SPAG16: variants seen among roughly 807,000 people sequenced by gnomAD.
SPAG16 encodes sperm associated antigen 16.
Under a neutral mutation model 80.4 loss-of-function variants are expected in SPAG16, and 86 were observed. The observed-to-expected ratio is 1.07, with a 90% CI of 0.90 to 1.28. SPAG16 has a LOEUF of 1.28. SPAG16 is among the 50% of genes most tolerant of loss of function. The pLI is 0.00. For missense variants in SPAG16, 870 were observed against 765.3 expected, an observed-to-expected ratio of 1.14 and a Z score of -1.61; for synonymous variants, 294 against 265.9, an observed-to-expected ratio of 1.11 and a Z score of -1.03.
At chr2:213,980,712 G>GTGTGTGTATATA (rs1469351640) in intron 12 of SPAG16, among the ~76,000 whole-genome samples, 4 of 114,008 alleles carry the variant, frequency 3.5e-5, no homozygotes, top group African/African-American at 1.5e-4. Flanking sequence ...GTGTGTGTGT[G>GTGTGTGTATATA]TATATATATA....
At chr2:213,997,549 C>T (rs1388422101) in intron 12 of SPAG16, among the ~76,000 whole-genome samples, 1 of 152,062 alleles carries the variant, frequency 6.6e-6, no homozygotes, top group African/African-American at 2.4e-5. Flanking sequence ...CTGAAGGTCC[C>T]CTGTTAGTCC....
At chr2:213,991,425 T>TA (rs376688985) in intron 12 of SPAG16, among the ~76,000 whole-genome samples, 240 of 152,316 alleles carry the variant, frequency 1.6e-3, no homozygotes, top group African/African-American at 5.7e-3. Context: ...GGGTTGGTTC[T>TA]AAGTCTTTGC....
At chr2:214,382,853 G>A (rs115447005) in intron 15 of SPAG16, among the ~76,000 whole-genome samples, 2,536 of 152,226 alleles carry the variant, frequency 0.017, 39 homozygotes, top group South Asian at 0.026. Flanking sequence ...CATGAGATCC[G>A]CTTGTTTGGG....
At chr2:213,307,160 T>A (rs72935187) in intron 3 of SPAG16, among the ~76,000 whole-genome samples, 33,048 of 152,178 alleles carry the variant, frequency 0.22, 4,424 homozygotes, top group Non-Finnish European at 0.31. Context: ...ATAGCAGCTA[T>A]CAGTAATAAA....
chr2:214,295,760 C>T (rs1694087027), intron 15 of SPAG16, among the ~76,000 whole-genome samples: 1 of 152,060 alleles, frequency 6.6e-6, no homozygotes. Flanking sequence ...CACCGAATTC[C>T]AGCCTGGGCC....
chr2:214,014,472 C>T (rs2047486917), intron 13 of SPAG16, among the ~76,000 whole-genome samples: 1 of 152,066 alleles, frequency 6.6e-6, no homozygotes, highest in South Asian at 2.1e-4. Context: ...TATCTAAATA[C>T]AGGGGGAAAG....
chr2:213,969,120 CTT>C (rs774508409), intron 12 of SPAG16, among the ~76,000 whole-genome samples: 21 of 152,156 alleles, frequency 1.4e-4, no homozygotes, highest in Non-Finnish European at 2.6e-4. Flanking sequence ...GTGAAATTAA[CTT>C]TGGCTAAAGT....
At chr2:214,148,820 A>G (rs2055799584) in intron 14 of SPAG16, among the ~76,000 whole-genome samples, 1 of 151,960 alleles carries the variant, frequency 6.6e-6, no homozygotes, top group South Asian at 2.1e-4. Flanking sequence ...GTTTTGTTAC[A>G]TCTTCTAATG....
intron 11 of SPAG16, among the ~76,000 whole-genome samples, chr2:213,917,162 G>A (rs207462852): frequency 6.6e-6 from 1 of 152,138 alleles, no homozygotes; most frequent in African/African-American, 2.4e-5. Context: ...CCAGTACCAT[G>A]CTGTTTTGGT....
At chr2:213,914,020 C>T (rs897239387) in intron 11 of SPAG16, among the ~76,000 whole-genome samples, 1 of 152,076 alleles carries the variant, frequency 6.6e-6, no homozygotes, top group African/African-American at 2.4e-5. Flanking sequence ...AAACATACCT[C>T]CACAGAGATA....
At chr2:214,008,260 G>GAGATATAA (rs1337123420) in intron 12 of SPAG16, among the ~76,000 whole-genome samples, 2 of 151,904 alleles carry the variant, frequency 1.3e-5, no homozygotes, top group African/African-American at 2.4e-5. Flanking sequence ...CTCTATCTGT[G>GAGATATAA]CACCCATTAT....
At chr2:213,669,794 C>T (rs2063748571) in intron 10 of SPAG16, among the ~76,000 whole-genome samples, 2 of 152,122 alleles carry the variant, frequency 1.3e-5, no homozygotes, top group Admixed American at 1.3e-4. Flanking sequence ...CCTTTGCTTC[C>T]ATTTTCTCAC....
At chr2:214,376,368 T>A (rs1212892625) in intron 15 of SPAG16, among the ~76,000 whole-genome samples, 5 of 152,174 alleles carry the variant, frequency 3.3e-5, no homozygotes, top group Admixed American at 1.3e-4. Flanking sequence ...GTTAAATAAA[T>A]GGATTATGAA....
intron 10 of SPAG16, among the ~76,000 whole-genome samples, chr2:213,861,450 A>G (rs2075455367): frequency 6.6e-6 from 1 of 152,206 alleles, no homozygotes; most frequent in Non-Finnish European, 1.5e-5. Context: ...TATAGAATAG[A>G]CTAAGGGAAA....
At chr2:213,547,983 A>G (rs529263160) in intron 10 of SPAG16, among the ~76,000 whole-genome samples, 55 of 152,312 alleles carry the variant, frequency 3.6e-4, no homozygotes, top group African/African-American at 1.2e-3. Flanking sequence ...CAATTGGTAC[A>G]TATCAGCCTT....
At chr2:213,983,405 G>T (rs978355963) in intron 12 of SPAG16, among the ~76,000 whole-genome samples, 1 of 151,832 alleles carries the variant, frequency 6.6e-6, no homozygotes, top group Non-Finnish European at 1.5e-5. Flanking sequence ...CCAAACTGTG[G>T]TATTGTCATC....
chr2:214,375,190 C>T (rs1700055669), intron 15 of SPAG16, among the ~76,000 whole-genome samples: 1 of 152,248 alleles, frequency 6.6e-6, no homozygotes, highest in African/African-American at 2.4e-5. Flanking sequence ...CCTTTCCAGA[C>T]CTCAACCAAT....
intron 9 of SPAG16, among the ~76,000 whole-genome samples, chr2:213,485,119 C>T (rs1474305224): frequency 1.3e-5 from 2 of 151,502 alleles, no homozygotes; most frequent in East Asian, 3.8e-4. Context: ...CTCAGCCCCC[C>T]AAGTAGCTGG....
chr2:214,154,509 C>CCA lies in SPAG16; in HGVS notation c.1720+5244_1720+5245dup, dbSNP rs1553516503. 1.5e-4 allele frequency among the ~76,000 whole-genome samples: 19 copies of CCA among 126,728 alleles called. No individual in the cohort carries two copies. The East Asian group carries it at 5.1e-3, about 34-fold the overall frequency. 83.1% of individuals were successfully genotyped at this position (126,728 alleles called of 152,430 possible). A position where few individuals can be genotyped will look rare whatever the true frequency, so the allele number is the denominator to read the frequency against. On this transcript the variant is annotated intron_variant, in intron 15 of 15. Coordinates refer to ENST00000331683, the MANE Select transcript of SPAG16 (RefSeq NM_024532.5). ...GCAAAAAGTATCAGACCCCCCCCCC[C>CCA]CATTTTTTCATAACCTAACAAGATA...
Sources: gnomAD v4.1 joint callset for allele counts (sites outside exome capture counted in the v4.1 genomes callset) on GRCh38, gnomAD v4.1.1 for gene constraint, MANE v1.5 for transcripts, NCBI Gene and HGNC (gene_info 2026-07-23, HGNC 2026-07-21) for gene names.